NPFFR2: variants seen among roughly 807,000 people sequenced by gnomAD.
NPFFR2 encodes the protein G-protein coupled receptor 74.
A neutral mutation model predicts 13.1 loss-of-function variants in NPFFR2; 15 were observed. The ratio of observed to expected loss-of-function variants is 1.15; its 90% CI spans 0.77 to 1.76. The LOEUF is 1.76. NPFFR2 is among the 40% of genes most tolerant of loss of function. The probability of loss-of-function intolerance (pLI) is 0.00; values close to 1 mark genes in which losing one functional copy is unlikely to be tolerated. For missense variants in NPFFR2, 572 were observed against 503.5 expected (o/e 1.14, Z -1.30); for synonymous variants, 190 against 175.7 (o/e 1.08, Z -0.65).
chr4:72,050,315 C>G (rs1300914158), intron 1 of NPFFR2, among the ~76,000 whole-genome samples: 1 of 151,988 alleles, frequency 6.6e-6, no homozygotes, highest in Non-Finnish European at 1.5e-5. Flanking sequence ...TTAAGCCCCC[C>G]TAACCAACTG....
chr4:72,110,525 C>T (rs746451507), intron 1 of NPFFR2, among the ~76,000 whole-genome samples: 1 of 151,862 alleles, frequency 6.6e-6, no homozygotes, highest in African/African-American at 2.4e-5. Flanking sequence ...CTGTTTGATC[C>T]CTATATGAAT....
At chr4:72,133,848 C>T (rs1722326397) in intron 2 of NPFFR2, among the ~76,000 whole-genome samples, 1 of 152,072 alleles carries the variant, frequency 6.6e-6, no homozygotes. Context: ...GATTTTTGTA[C>T]ATTGATTTTT....
At chr4:72,124,825 G>A (rs1259390725) in intron 1 of NPFFR2, among the ~76,000 whole-genome samples, 1 of 152,102 alleles carries the variant, frequency 6.6e-6, no homozygotes, top group Non-Finnish European at 1.5e-5. Context: ...AACCCTAGAA[G>A]AAAACCTAGG....
At chr4:72,054,523 C>T (rs375606295) in intron 1 of NPFFR2, among the ~76,000 whole-genome samples, 5 of 151,860 alleles carry the variant, frequency 3.3e-5, no homozygotes, top group African/African-American at 9.6e-5. Context: ...AAACTATAAA[C>T]CTTCTATAAA....
At chr4:72,105,580 G>A (rs913515908) in intron 1 of NPFFR2, among the ~76,000 whole-genome samples, 10 of 151,934 alleles carry the variant, frequency 6.6e-5, no homozygotes, top group African/African-American at 2.4e-4. Flanking sequence ...AATACAAAAA[G>A]GAGTGGAAAT....
intron 1 of NPFFR2, among the ~76,000 whole-genome samples, chr4:72,075,264 A>G (rs1293201070): frequency 1.3e-5 from 2 of 152,148 alleles, no homozygotes; most frequent in Non-Finnish European, 2.9e-5. Context: ...CAAGTTCTTC[A>G]GTTTTGGAAG....
Position 72,147,153 on chromosome 4 carries a change from C to G in NPFFR2, c.604C>G (p.Pro202Ala). 6.2e-7 allele frequency: 1 copy of G among 1,614,140 alleles called. No individual in the cohort carries two copies. Among genetic ancestry groups the G allele is most frequent in the Non-Finnish European group, 8.5e-7 (1 of 1,180,026 alleles). ...ACTCAACTCCCAGAATAAAACCAGT[C>G]CAGTCTACTGGTGCCGGGAAGACTG... The part of the protein sequence containing the change: ...VRLNSQNKTS[P>A]VYWCREDWPN... The change falls in exon 4 of 4, where the codon CCA becomes GCA. Residue 202 changes from proline to alanine, a missense_variant. Pro to Ala is a conservative substitution (Grantham distance 27). Transcript: ENST00000308744.
intron 1 of NPFFR2, among the ~76,000 whole-genome samples, chr4:72,049,644 A>T (rs1236106661): frequency 2.6e-5 from 4 of 152,070 alleles, no homozygotes; most frequent in Non-Finnish European, 5.9e-5. Context: ...CAAAGCTATG[A>T]TCCACAGGCA....
At chr4:72,099,518 C>T (rs1189280265) in intron 1 of NPFFR2, among the ~76,000 whole-genome samples, 9 of 151,990 alleles carry the variant, frequency 5.9e-5, no homozygotes, top group Admixed American at 5.9e-4. Context: ...GGAGTTTTTA[C>T]TCATGGTGGA....
rs953216307 is a variant in NPFFR2 at position 72,051,001 on chromosome 4, C to T, written c.-8+18801C>T. On this transcript the variant is annotated intron_variant, in intron 1 of 3. Coordinates refer to ENST00000308744, the MANE Select transcript of NPFFR2 (RefSeq NM_004885.3). ...TGTATATGTGCTACATTTTCTTAATCCAGTCTATCATTGTTGTACATTTGG... is the reference window on the plus strand; with the variant it reads ...TGTATATGTGCTACATTTTCTTAATTCAGTCTATCATTGTTGTACATTTGG... Among the ~76,000 whole-genome samples, 478 of 152,006 alleles carry T rather than the reference C, an allele frequency of 3.1e-3. 3 individuals are homozygous for T. Among genetic ancestry groups the T allele is most frequent in the African/African-American group, 0.011 (440 of 41,460 alleles).
intron 1 of NPFFR2, among the ~76,000 whole-genome samples, chr4:72,045,055 G>A (rs1719337319): frequency 6.6e-6 from 1 of 151,974 alleles, no homozygotes. Context: ...TTCATGTTGA[G>A]TTGATATTTG....
intron 2 of NPFFR2, among the ~76,000 whole-genome samples, chr4:72,133,803 C>T (rs946651187): frequency 1.3e-5 from 2 of 152,048 alleles, no homozygotes; most frequent in Admixed American, 6.5e-5. Context: ...ATTTGGCTCT[C>T]GGCTTGACTG....
intron 1 of NPFFR2, among the ~76,000 whole-genome samples, chr4:72,040,178 T>G (rs1719167060): frequency 6.6e-6 from 1 of 152,174 alleles, no homozygotes; most frequent in African/African-American, 2.4e-5. Context: ...GACAATATAT[T>G]TATTATTGTA....
At chr4:72,105,003 A>G (rs773030275) in intron 1 of NPFFR2, among the ~76,000 whole-genome samples, 10 of 150,692 alleles carry the variant, frequency 6.6e-5, no homozygotes, top group Admixed American at 1.3e-4. Context: ...TTAAAAATGT[A>G]GGAAGTAACG....
At chr4:72,063,845 T>C (rs1719991859) in intron 1 of NPFFR2, among the ~76,000 whole-genome samples, 1 of 152,208 alleles carries the variant, frequency 6.6e-6, no homozygotes, top group African/African-American at 2.4e-5. Flanking sequence ...AAGACAATGA[T>C]TTTAAATCTG....
chr4:72,091,572 A>T (rs1031027689), intron 1 of NPFFR2, among the ~76,000 whole-genome samples: 3 of 152,070 alleles, frequency 2.0e-5, no homozygotes, highest in African/African-American at 7.2e-5. Flanking sequence ...AGGGTTGTAC[A>T]TATCCAAGAA....
chr4:72,090,457 G>C (rs79116120), intron 1 of NPFFR2, among the ~76,000 whole-genome samples: 3,945 of 151,960 alleles, frequency 0.026, 138 homozygotes, highest in African/African-American at 0.079. Context: ...ATCCATGAGC[G>C]TGAGATGTGT....
At chr4:72,128,956 A>G in intron 2 of NPFFR2, 37 bp downstream of exon 2, 1 of 1,471,108 alleles carries the variant, frequency 6.8e-7, no homozygotes, top group East Asian at 2.3e-5. Context: ...GATAATATGA[A>G]ATATTTGTCC....
chr4:72,134,215 G>C (rs1193863013), intron 2 of NPFFR2, among the ~76,000 whole-genome samples: 2 of 152,186 alleles, frequency 1.3e-5, no homozygotes, highest in African/African-American at 4.8e-5. Context: ...AGTGAGCCGA[G>C]ATCGTGCCAC....
Sources: allele counts gnomAD v4.1 joint callset (sites outside exome capture counted in the v4.1 genomes callset), GRCh38; gene constraint gnomAD v4.1.1; transcripts MANE v1.5; gene names NCBI Gene and HGNC (gene_info 2026-07-23, HGNC 2026-07-21).